Variants in SOX5 observed in about 807,000 individuals in gnomAD.
SOX5 encodes SRY-box transcription factor 5.
In SOX5, 9 loss-of-function variants were observed where a neutral mutation model predicts 92.0. The ratio of observed to expected loss-of-function variants is 0.10; its 90% confidence interval spans 0.06 to 0.17. SOX5 has a LOEUF of 0.17. Ranked by LOEUF, SOX5 falls within the 10% of genes least tolerant of loss-of-function variation. SOX5 has a pLI of 1.00. For synonymous variants in SOX5, 344 were observed against 336.3 expected (o/e 1.02, Z -0.25); for missense variants, 642 against 944.5 (o/e 0.68, Z 4.20).
At chr12:24,495,971 A>G (rs1242548907) in intron 1 of SOX5, among the ~76,000 whole-genome samples, 1 of 152,218 alleles carries the variant, frequency 6.6e-6, no homozygotes, top group Non-Finnish European at 1.5e-5. Flanking sequence ...AGAATAAATA[A>G]GAAGTGATTC....
At chr12:23,740,761 G>GGTGGAAGGGACTCTTATTCATTGTTGT (rs2093765775) in intron 5 of SOX5, 106 bp downstream of exon 5, 1 of 933,200 alleles carries the variant, frequency 1.1e-6, no homozygotes, top group African/African-American at 1.7e-5. Context: ...TAACTGGGGA[G>GGTGGAAGGGACTCTTATTCATTGTTGT]GTGGAAGGGA....
intron 4 of SOX5, among the ~76,000 whole-genome samples, chr12:24,081,681 C>A (rs1943349425): frequency 6.6e-6 from 1 of 151,910 alleles, no homozygotes; most frequent in Admixed American, 6.6e-5. Context: ...GGAACGTCAC[C>A]CTTTTAACTA....
intron 2 of SOX5, among the ~76,000 whole-genome samples, chr12:24,300,258 A>G (rs764754172): frequency 6.6e-6 from 1 of 152,238 alleles, no homozygotes; most frequent in Non-Finnish European, 1.5e-5. Flanking sequence ...TGGATATAGG[A>G]AAGGGAGACC....
At chr12:24,063,091 G>A (rs1046660818) in intron 4 of SOX5, among the ~76,000 whole-genome samples, 1 of 152,118 alleles carries the variant, frequency 6.6e-6, no homozygotes, top group Non-Finnish European at 1.5e-5. Flanking sequence ...TGCCAGATGT[G>A]CAGCTATAAC....
chr12:23,633,549 A>G (rs1202278780), intron 8 of SOX5, among the ~76,000 whole-genome samples: 1 of 152,084 alleles, frequency 6.6e-6, no homozygotes, highest in Non-Finnish European at 1.5e-5. Context: ...AGTATAATAA[A>G]TAAGTAAATA....
At chr12:23,662,158 CATATAT>C (rs890532528) in intron 7 of SOX5, among the ~76,000 whole-genome samples, 1 of 145,298 alleles carries the variant, frequency 6.9e-6, no homozygotes, top group African/African-American at 2.6e-5. Flanking sequence ...CACACATATA[CATATAT>C]ATATATAGAG....
chr12:24,242,056 T>C (rs1484437415), intron 3 of SOX5, among the ~76,000 whole-genome samples: 1 of 152,226 alleles, frequency 6.6e-6, no homozygotes, highest in Admixed American at 6.5e-5. Context: ...CAACTTTTTC[T>C]TTGGGCTATT....
intron 4 of SOX5, among the ~76,000 whole-genome samples, chr12:24,184,193 CA>C (rs1594040362): frequency 1.3e-5 from 2 of 152,006 alleles, no homozygotes; most frequent in African/African-American, 4.8e-5. Context: ...CATTGACAAC[CA>C]GAAAGAAATC....
chr12:24,485,297 T>C (rs1439167133), intron 1 of SOX5, among the ~76,000 whole-genome samples: 1 of 152,228 alleles, frequency 6.6e-6, no homozygotes, highest in Admixed American at 6.5e-5. Context: ...GCAAGATTTT[T>C]CTAGCCTTGA....
chr12:24,317,364 T>C (rs561358910), intron 2 of SOX5, among the ~76,000 whole-genome samples: 5 of 152,358 alleles, frequency 3.3e-5, no homozygotes, highest in African/African-American at 7.2e-5. Context: ...TAAGTACATT[T>C]GTCTAAAATA....
intron 1 of SOX5, among the ~76,000 whole-genome samples, chr12:24,437,549 C>T (rs753743237): frequency 6.6e-6 from 1 of 151,852 alleles, no homozygotes; most frequent in Non-Finnish European, 1.5e-5. Flanking sequence ...CTACAAAGGG[C>T]TAATATCCAG....
chr12:23,592,854 G>A (rs1411327672), intron 9 of SOX5, among the ~76,000 whole-genome samples: 4 of 152,010 alleles, frequency 2.6e-5, no homozygotes, highest in African/African-American at 9.7e-5. Flanking sequence ...TGAGGCGTGT[G>A]GATCACCTGA....
chr12:23,999,837 A>G (rs1385094838), intron 4 of SOX5, among the ~76,000 whole-genome samples: 1 of 151,946 alleles, frequency 6.6e-6, no homozygotes, highest in Non-Finnish European at 1.5e-5. Flanking sequence ...ATAATGAGAG[A>G]GTACTGTTAT....
intron 4 of SOX5, among the ~76,000 whole-genome samples, chr12:24,098,391 G>A (rs1945683515): frequency 6.6e-6 from 1 of 151,918 alleles, no homozygotes; most frequent in South Asian, 2.1e-4. Flanking sequence ...ATTTATTTTA[G>A]TATGCACATA....
At chr12:24,036,929 AT>A (rs1343806534) in intron 4 of SOX5, among the ~76,000 whole-genome samples, 1 of 152,138 alleles carries the variant, frequency 6.6e-6, no homozygotes, top group Admixed American at 6.5e-5. Context: ...TTCCATTCTT[AT>A]CTCTCTTAAA....
At chr12:24,176,345 TAACAA>T (rs1357588327) in intron 4 of SOX5, among the ~76,000 whole-genome samples, 7 of 151,334 alleles carry the variant, frequency 4.6e-5, no homozygotes, top group East Asian at 1.9e-4. Flanking sequence ...GAAAAAAAAA[TAACAA>T]AACAAAACAA....
At chr12:24,087,565 TA>T (rs1944156534) in intron 4 of SOX5, among the ~76,000 whole-genome samples, 1 of 152,080 alleles carries the variant, frequency 6.6e-6, no homozygotes. Flanking sequence ...ACAAAATGAT[TA>T]AAATGGCAGA....
chr12:24,271,164 C>T (rs981751804), intron 3 of SOX5, among the ~76,000 whole-genome samples: 1 of 152,206 alleles, frequency 6.6e-6, no homozygotes, highest in Non-Finnish European at 1.5e-5. Context: ...TGCTCTCCAA[C>T]CTTGTCAACG....
chr12:24,254,926 T>C (rs953024750), intron 3 of SOX5, among the ~76,000 whole-genome samples: 1 of 152,046 alleles, frequency 6.6e-6, no homozygotes, highest in African/African-American at 2.4e-5. Flanking sequence ...ACTTTACTCC[T>C]AAAGAAGAGG....
Sources: allele counts gnomAD v4.1 joint callset (sites outside exome capture counted in the v4.1 genomes callset), GRCh38; gene constraint gnomAD v4.1.1; transcripts MANE v1.5; gene names NCBI Gene and HGNC (gene_info 2026-07-23, HGNC 2026-07-21).